Variants in RCC2 observed in about 807,000 individuals in gnomAD.
RCC2 encodes the protein protein RCC2.
Under a neutral mutation model 64.1 loss-of-function variants are expected in RCC2, and 19 were observed. The observed-to-expected ratio is 0.30, with a 90% confidence interval of 0.21 to 0.44. RCC2 has a LOEUF of 0.44. Among genes scored for constraint, RCC2 ranks in the 20% least tolerant of loss-of-function variants. The pLI is 1.00. For missense variants in RCC2, 508 were observed against 710.4 expected (o/e 0.72, Z 3.24); for synonymous variants, 325 against 279.6 (o/e 1.16, Z -1.62).
At chr1:17,433,655 C>T (rs1342204074) in intron 2 of RCC2, among the ~76,000 whole-genome samples, 1 of 152,210 alleles carries the variant, frequency 6.6e-6, no homozygotes, top group East Asian at 1.9e-4. Flanking sequence ...GCAACTTGGT[C>T]ACATAACCTG....
intron 11 of RCC2, 123 bp downstream of exon 11, chr1:17,411,999 T>C (rs1336593775): frequency 2.4e-6 from 2 of 834,606 alleles, no homozygotes; most frequent in African/African-American, 1.7e-5. Flanking sequence ...CTTAATACAA[T>C]AAGGGGGGAA....
intron 4 of RCC2, among the ~76,000 whole-genome samples, chr1:17,424,518 T>G (rs1175759161): frequency 6.6e-6 from 1 of 152,238 alleles, no homozygotes; most frequent in South Asian, 2.1e-4. Flanking sequence ...AATGTCAGCA[T>G]GTCATCAAGA....
intron 2 of RCC2, 85 bp from the exon 3 acceptor site, chr1:17,429,284 A>G (rs2075649791): frequency 8.6e-6 from 9 of 1,048,576 alleles, no homozygotes; most frequent in Non-Finnish European, 1.3e-5. Flanking sequence ...GCACGAAACG[A>G]AAGAAAATCA....
At chr1:17,438,640 G>T in intron 1 of RCC2, 118 bp from the exon 2 acceptor site, 2 of 1,066,436 alleles carry the variant, frequency 1.9e-6, no homozygotes, top group Non-Finnish European at 2.4e-6. Context: ...CCAAAGTGGC[G>T]GCCGCAGGGT....
chr1:17,425,425 G>A (rs555324475), intron 4 of RCC2, 116 bp downstream of exon 4: 64 of 1,060,162 alleles, frequency 6.0e-5, no homozygotes, highest in Middle Eastern at 3.2e-4. Context: ...GGCTGTGAAC[G>A]AAGGAGCCCA....
At chr1:17,409,939 C>G (rs902251303) in intron 12 of RCC2, 35 bp downstream of exon 12, 5 of 1,565,638 alleles carry the variant, frequency 3.2e-6, no homozygotes, top group Non-Finnish European at 3.5e-6. Context: ...TGGGTACGGA[C>G]ACGTCCCCGA....
chr1:17,426,670 C>T (rs1286428474), intron 3 of RCC2, among the ~76,000 whole-genome samples: 5 of 152,112 alleles, frequency 3.3e-5, no homozygotes, highest in African/African-American at 9.7e-5. Flanking sequence ...GCAGCGAGCA[C>T]TCAATGGGAA....
Position 17,408,924 on chromosome 1 carries a change from G to A in RCC2, c.*166C>T. The stretch of plus-strand genomic sequence containing the variant: ...TGGAAAGCATACAGAAAAAAAGGTA[G>A]TTAACGTTGGATCATGTGTAAAACG... On this transcript the variant is annotated 3_prime_UTR_variant, in exon 13 of 13. Coordinates refer to ENST00000375436, the MANE Select transcript of RCC2 (RefSeq NM_018715.4). 5.1e-6 allele frequency: 3 copies of A among 586,426 alleles called. No homozygotes were observed. Among genetic ancestry groups the A allele is most frequent in the East Asian group, 2.6e-5 (1 of 37,762 alleles). The allele number at this position is 586,426 out of a possible 1,614,324, so 36.3% of individuals were successfully genotyped here.
chr1:17,425,620 G>A lies in RCC2; in HGVS notation c.444C>T (p.Val148=). Residue 148 remains valine, a synonymous_variant, in exon 4 of 13, where the codon GTC becomes GTT. Transcript: ENST00000375436. The stretch of plus-strand genomic sequence containing the variant: ...AGCCCGAGACCACTGTCCGCACCCG[G>A]ACCCCCGCCAGGCACCCATATCTGT... The part of the protein sequence containing the change: ...GPHRYGCLAG[V]RVRTVVSGSC... The A allele has an allele frequency of 6.2e-7, 1 of 1,614,090 alleles. No homozygotes were observed. The highest frequency in any genetic ancestry group is 8.5e-7 in the Non-Finnish European group (1 of 1,179,998).
chr1:17,429,350 T>TC, intron 2 of RCC2, 151 bp from the exon 3 acceptor site: 2 of 640,882 alleles, frequency 3.1e-6, no homozygotes, highest in Non-Finnish European at 5.5e-6. Context: ...CTCCCCACAC[T>TC]CCCCTCCCTC....
chr1:17,416,077 A>G (rs1389344301), intron 8 of RCC2, among the ~76,000 whole-genome samples: 1 of 20,632 alleles, frequency 4.8e-5, no homozygotes, highest in Non-Finnish European at 8.1e-5. Context: ...CCAAAAAAAA[A>G]AGGGGGGGGG....
At chr1:17,412,257 G>A (rs1325248395) in intron 10 of RCC2, 63 bp from the exon 11 acceptor site, 34 of 1,504,192 alleles carry the variant, frequency 2.3e-5, no homozygotes, top group Non-Finnish European at 2.9e-5. Flanking sequence ...ACGCAGCTAT[G>A]GCTCAAGGGC....
intron 2 of RCC2, among the ~76,000 whole-genome samples, chr1:17,433,626 T>C (rs1433594091): frequency 6.6e-6 from 1 of 152,152 alleles, no homozygotes; most frequent in Non-Finnish European, 1.5e-5. Context: ...TTTCATGTCA[T>C]TTCACCTGGC....
At chr1:17,431,756 G>A (rs941528815) in intron 2 of RCC2, among the ~76,000 whole-genome samples, 4 of 151,828 alleles carry the variant, frequency 2.6e-5, no homozygotes, top group Non-Finnish European at 5.9e-5. Flanking sequence ...TTATGTAACA[G>A]GAAAAAGATG....
chr1:17,438,547 C>T, intron 1 of RCC2, 25 bp from the exon 2 acceptor site: 4 of 1,305,536 alleles, frequency 3.1e-6, no homozygotes, highest in Admixed American at 3.1e-5. Context: ...GGGGCAGCGG[C>T]GCACAATGGA....
At position 17,426,392 on chromosome 1, in the gene RCC2, C is replaced by T. The variant is rs956979920; in HGVS notation, c.380-708G>A. ...CTCCCCTGACACCCACCCATATATT[C>T]GCTTCCCCTAGAATGTCCTTCCCAC... On this transcript the variant is annotated intron_variant, in intron 3 of 12. Transcript: ENST00000375436. Among the ~76,000 whole-genome samples, 18 of 152,142 alleles carry T rather than the reference C, an allele frequency of 1.2e-4. No individual in the cohort carries two copies. In the South Asian group the frequency reaches 3.7e-3, roughly 31 times the overall value.
At chr1:17,430,315 G>A (rs568090140) in intron 2 of RCC2, among the ~76,000 whole-genome samples, 6 of 152,164 alleles carry the variant, frequency 3.9e-5, no homozygotes, top group Admixed American at 6.5e-5. Flanking sequence ...TTGGAGACCA[G>A]GCTGGGCAAC....
intron 11 of RCC2, among the ~76,000 whole-genome samples, chr1:17,411,430 G>T (rs960701767): frequency 5.9e-5 from 9 of 152,196 alleles, no homozygotes; most frequent in Admixed American, 3.3e-4. Context: ...ACAAAAATTA[G>T]CTGGGCGTGG....
At chr1:17,413,224 G>A in intron 9 of RCC2, 46 bp from the exon 10 acceptor site, 1 of 1,339,716 alleles carries the variant, frequency 7.5e-7, no homozygotes, top group Non-Finnish European at 1.1e-6. Flanking sequence ...GACATCGAGA[G>A]CTGAGTCTCA....
Sources: gnomAD v4.1 joint callset for allele counts (sites outside exome capture counted in the v4.1 genomes callset) on GRCh38, gnomAD v4.1.1 for gene constraint, MANE v1.5 for transcripts, NCBI Gene and HGNC (gene_info 2026-07-23, HGNC 2026-07-21) for gene names.